Variants in CIITA observed in about 807,000 individuals in gnomAD.
CIITA encodes the protein class II major histocompatibility complex transactivator.
In CIITA, 72 loss-of-function variants were observed where a neutral mutation model predicts 115.1. The observed-to-expected ratio is 0.63, with a 90% confidence interval of 0.52 to 0.76. CIITA has a LOEUF of 0.76. Ranked by LOEUF, CIITA falls within the 30% of genes least tolerant of loss-of-function variation. CIITA has a pLI of 0.00. For synonymous variants in CIITA, 763 were observed against 635.6 expected (o/e 1.20, Z -3.02); for missense variants, 1,617 against 1,463.8 (o/e 1.10, Z -1.71).
Position 10,901,913 on chromosome 16 carries a change from C to A in CIITA, c.482-125C>A. On this transcript the variant is annotated intron_variant, in intron 6 of 19. Transcript: ENST00000324288. This position sits in a 1 kb window ranked among gnomAD's most constrained non-coding sequence, Gnocchi z 6.8. ...AGTTGCTGATCAACACAGCTGCAGC[C>A]AGGGCTGAGAAGATGACAAGCATTT... 2.2e-6 allele frequency: 3 copies of A among 1,360,188 alleles called. No individual in the cohort carries two copies. The highest frequency in any genetic ancestry group is 3.1e-6 in the Non-Finnish European group (3 of 965,514). The allele number at this position is 1,360,188 out of a possible 1,614,324, so 84.3% of individuals were successfully genotyped here. A position where few individuals can be genotyped will look rare whatever the true frequency, so the allele number is the denominator to read the frequency against.
rs532404510 is a variant in CIITA, at chr16:10,869,618, T to C, written c.-21+3299T>C. On this transcript the variant is annotated intron_variant, in intron 1 of 5. Transcript: ENST00000636238. ...CTGCAACTTCCATCTCCCAGGTTCA[T>C]GCAGTTCTCATGCCTCAGCCTCCCA... Among the ~76,000 whole-genome samples, 277 of 152,000 alleles carry C rather than the reference T, an allele frequency of 1.8e-3. 1 individual carries two copies. Among genetic ancestry groups the C allele is most frequent in the Non-Finnish European group, 2.4e-3 (161 of 67,968 alleles).
upstream of CIITA, among the ~76,000 whole-genome samples, chr16:10,875,542 G>A (rs1176696995): frequency 1.3e-5 from 2 of 152,096 alleles, no homozygotes; most frequent in East Asian, 3.9e-4. Flanking sequence ...AAATGCATGA[G>A]GCACACAAGT....
chr16:10,919,108 A>G (rs1000178186), intron 16 of CIITA, among the ~76,000 whole-genome samples: 1 of 152,226 alleles, frequency 6.6e-6, no homozygotes, highest in Non-Finnish European at 1.5e-5. Context: ...CCTCTTCGCC[A>G]GAGCTCTTCA....
chr16:10,903,963 C>T, intron 9 of CIITA, 68 bp downstream of exon 9: 1 of 1,603,092 alleles, frequency 6.2e-7, no homozygotes, highest in African/African-American at 1.3e-5. Context: ...GGAATTGTCT[C>T]AAATAAGATC....
chr16:10,909,837 C>T (rs189536171), intron 12 of CIITA, among the ~76,000 whole-genome samples: 8 of 152,268 alleles, frequency 5.3e-5, no homozygotes, highest in African/African-American at 7.2e-5. Flanking sequence ...TGAGCTCAAG[C>T]GATCCTCCTG....
upstream of CIITA, among the ~76,000 whole-genome samples, chr16:10,876,633 C>T (rs796440979): frequency 2.6e-5 from 4 of 152,206 alleles, no homozygotes; most frequent in Non-Finnish European, 5.9e-5. Flanking sequence ...TGGCGGGTCA[C>T]CCCAAACCAT....
At chr16:10,884,432 T>C (rs780300014) in intron 1 of CIITA, among the ~76,000 whole-genome samples, 1 of 152,336 alleles carries the variant, frequency 6.6e-6, no homozygotes, top group Non-Finnish European at 1.5e-5. Context: ...CTTTCATTTA[T>C]GAGACAAAGT....
rs781235493 is a variant in CIITA, at chr16:10,895,358, C to A, written c.129C>A (p.Asp43Glu). Reference sequence around the variant, plus strand: ...TGGAGCTTCTTAACAGCGATGCTGACCCCCTGTGCCTCTACCACTTCTATG... The same window carrying A: ...TGGAGCTTCTTAACAGCGATGCTGAACCCCTGTGCCTCTACCACTTCTATG... ...GYLELLNSDA[D>E]PLCLYHFYDQ... is the part of the protein sequence containing the mutation. Residue 43 changes from aspartate (D) to glutamate (E), a missense_variant, in exon 2 of 20, where the codon GAC becomes GAA. Physicochemically the swap from Asp to Glu is conservative, Grantham distance 45. Coordinates refer to ENST00000324288, the MANE Select transcript of CIITA (RefSeq NM_000246.4). The A allele has an allele frequency of 1.2e-6, 2 of 1,614,094 alleles. No individual in the cohort carries two copies. Among genetic ancestry groups the A allele is most frequent in the Non-Finnish European group, 1.7e-6 (2 of 1,180,010 alleles).
chr16:10,897,523 G>A (rs928477889), intron 3 of CIITA, among the ~76,000 whole-genome samples: 1 of 152,162 alleles, frequency 6.6e-6, no homozygotes, highest in Non-Finnish European at 1.5e-5. Context: ...CGTCATAACA[G>A]GCAGCTTCAC....
rs1220482327 is a variant in CIITA, at chr16:10,923,359, AG to A, written c.*22+35del. 2.0e-6 allele frequency: 3 copies of A among 1,498,144 alleles called. No homozygotes were observed. Among genetic ancestry groups the A allele is most frequent in the Non-Finnish European group, 2.8e-6 (3 of 1,076,392 alleles). The allele number at this position is 1,498,144 out of a possible 1,614,324, so 92.8% of individuals were successfully genotyped here. A position where few individuals can be genotyped will look rare whatever the true frequency, so the allele number is the denominator to read the frequency against. On this transcript the variant is annotated intron_variant, in intron 19 of 19. Transcript: ENST00000324288. The surrounding 1 kb of genome is among the most constrained non-coding windows in gnomAD (Gnocchi z 5.2). ...GGTGGGCTTGGGAGGGGAGAGCCGC[AG>A]TGGGTTGGGGGCAGTGTCCTTGTGA... is the stretch of plus-strand genomic sequence containing the variant.
Position 10,906,519 on chromosome 16 carries a change from C to A in CIITA, c.1027C>A (p.Arg343Ser). ...TGCAGAGCCGGTGGAGCAGTTCTAC[C>A]GCTCACTGCAGGACACGTATGGTGC... ...KWPEPVEQFY[R>S]SLQDTYGAEP... Residue 343 changes from arginine to serine, a missense_variant, in exon 11 of 20, where the codon CGC becomes AGC. Transcript: ENST00000324288. The A allele has an allele frequency of 3.1e-6, 5 of 1,612,066 alleles. No homozygotes were observed. Among genetic ancestry groups the A allele is most frequent in the Non-Finnish European group, 3.4e-6 (4 of 1,179,910 alleles).
chr16:10,893,734 G>A (rs1296651262), intron 1 of CIITA, among the ~76,000 whole-genome samples: 2 of 142,214 alleles, frequency 1.4e-5, no homozygotes, highest in East Asian at 4.5e-4. Flanking sequence ...GCTTGAACCT[G>A]GGAGGCAGAC....
rs73499471 is a variant in CIITA, at chr16:10,884,569, C to A, written c.52+7187C>A. The stretch of plus-strand genomic sequence containing the variant: ...AGCCGAGACTACAAGGGCACTCCAC[C>A]ACACCCAGCTAATTTTTGTATCTTT... On this transcript the variant is annotated intron_variant, in intron 1 of 19. Transcript: ENST00000324288. Among the ~76,000 whole-genome samples, 952 of 152,246 alleles carry A rather than the reference C, an allele frequency of 6.3e-3. 7 individuals are homozygous for A. Among genetic ancestry groups the A allele is most frequent in the African/African-American group, 0.021 (870 of 41,540 alleles).
chr16:10,866,385 G>A (rs1233984410), intron 1 of CIITA: 1 of 566,872 alleles, frequency 1.8e-6, no homozygotes, highest in Non-Finnish European at 3.5e-6. Flanking sequence ...ACCTGCTGAA[G>A]GAGGACCTCC....
chr16:10,897,398 G>A (rs754816495), intron 3 of CIITA, among the ~76,000 whole-genome samples: 2 of 152,120 alleles, frequency 1.3e-5, no homozygotes, highest in South Asian at 2.1e-4. Context: ...ATCCATGAAC[G>A]GATTAACCCA....
At chr16:10,878,186 G>A (rs1190058745) in intron 1 of CIITA, among the ~76,000 whole-genome samples, 2 of 152,074 alleles carry the variant, frequency 1.3e-5, no homozygotes, top group Non-Finnish European at 2.9e-5. Context: ...TTAAAGGGGT[G>A]GTATCCCTTT....
intron 1 of CIITA, among the ~76,000 whole-genome samples, chr16:10,884,941 C>A (rs954518639): frequency 6.6e-6 from 1 of 152,244 alleles, no homozygotes; most frequent in South Asian, 2.1e-4. Context: ...CCTCTCCCTG[C>A]CCCAGTCACC....
In CIITA at chr16:10,877,247, C is replaced by T. The variant is rs45519531; in HGVS notation, c.-84C>T. ...GGCTGTGTGCTTCTGAGCTGGGCAT[C>T]CGAAGGCATCCTTGGGGAAGCTGAG... On this transcript the variant is annotated 5_prime_UTR_variant, in exon 1 of 20. Transcript: ENST00000324288. 7,435 of 1,293,166 alleles carry T rather than the reference C, an allele frequency of 5.7e-3. 40 individuals carry two copies. The highest frequency in any genetic ancestry group is 0.033 in the Middle Eastern group (145 of 4,330). 80.1% of individuals were successfully genotyped at this position (1,293,166 alleles called of 1,614,324 possible).
chr16:10,877,645 G>C (rs73499460), intron 1 of CIITA, among the ~76,000 whole-genome samples: 2,888 of 152,284 alleles, frequency 0.019, 106 homozygotes, highest in African/African-American at 0.065. Context: ...CTTTCGGGCA[G>C]TGTGTCACTA....
Sources: allele counts gnomAD v4.1 joint callset (sites outside exome capture counted in the v4.1 genomes callset), GRCh38; gene constraint gnomAD v4.1.1; non-coding constraint Gnocchi (gnomAD v3.1); transcripts MANE v1.5; gene names NCBI Gene and HGNC (gene_info 2026-07-23, HGNC 2026-07-21).